The following VWA8 variants were observed in gnomAD, a reference collection of about 807,000 sequenced individuals.
VWA8 encodes von Willebrand factor A domain-containing protein 8.
In VWA8, 221 loss-of-function variants were observed where a neutral mutation model predicts 241.5. That is an observed-to-expected ratio of 0.91 (90% CI 0.82 to 1.02). The LOEUF (loss-of-function observed/expected upper bound fraction) is 1.02, where lower values mean the gene tolerates loss of function less well. Ranked by LOEUF, VWA8 falls within the 50% of genes least tolerant of loss-of-function variation. VWA8 has a pLI of 0.00. For synonymous variants in VWA8, 852 were observed against 827.1 expected, an observed-to-expected ratio of 1.03 and a Z score of -0.52; for missense variants, 2,322 against 2,328.7, an observed-to-expected ratio of 1.00 and a Z score of 0.06.
intron 2 of VWA8, among the ~76,000 whole-genome samples, chr13:41,944,131 A>ATAC (rs1877733897): frequency 1.3e-5 from 2 of 150,444 alleles, no homozygotes; most frequent in Admixed American, 1.3e-4. Flanking sequence ...AATAATAATA[A>ATAC]TAATAAATAA....
In VWA8 at chr13:41,782,018, G is replaced by A. The variant is rs76949132; in HGVS notation, c.2277+1777C>T. ...TTCAAAGATGAAGTACAGCATAAAA[G>A]GAAGTAATAATATACACAATGGAAG... On this transcript the variant is annotated intron_variant, in intron 19 of 44. Coordinates refer to ENST00000379310, the MANE Select transcript of VWA8 (RefSeq NM_015058.2). Among the ~76,000 whole-genome samples, 972 of 152,298 alleles carry A rather than the reference G, an allele frequency of 6.4e-3. 4 individuals are homozygous for A. Among genetic ancestry groups the A allele is most frequent in the Non-Finnish European group, 0.011 (745 of 68,010 alleles).
At chr13:41,672,555 T>C (rs2045033169) in intron 36 of VWA8, among the ~76,000 whole-genome samples, 1 of 152,218 alleles carries the variant, frequency 6.6e-6, no homozygotes, top group Non-Finnish European at 1.5e-5. Context: ...AACCATTATA[T>C]ATTAGGTAAA....
intron 37 of VWA8, among the ~76,000 whole-genome samples, chr13:41,621,734 G>T (rs2044658627): frequency 6.6e-6 from 1 of 152,076 alleles, no homozygotes; most frequent in Non-Finnish European, 1.5e-5. Context: ...AAAAGAAAAG[G>T]CCCCTCAAAT....
intron 35 of VWA8, among the ~76,000 whole-genome samples, chr13:41,682,930 A>G (rs935056049): frequency 2.0e-5 from 3 of 152,186 alleles, no homozygotes; most frequent in African/African-American, 4.8e-5. Flanking sequence ...CACTACACTC[A>G]CTAGAATGGT....
At chr13:41,741,237 G>A (rs2045567218) in intron 21 of VWA8, among the ~76,000 whole-genome samples, 1 of 152,164 alleles carries the variant, frequency 6.6e-6, no homozygotes, top group Non-Finnish European at 1.5e-5. Flanking sequence ...GCACGTAGTA[G>A]GAGTTCTCAA....
intron 2 of VWA8, among the ~76,000 whole-genome samples, chr13:41,914,771 G>A (rs1876173695): frequency 6.6e-6 from 1 of 152,192 alleles, no homozygotes; most frequent in South Asian, 2.1e-4. Context: ...CTTTGGCAAT[G>A]TGCCTGACCT....
Position 41,689,484 on chromosome 13 carries a change from T to G in VWA8, c.4001A>C (p.Lys1334Thr). The change falls in exon 34 of 45, where the codon AAA (lysine) becomes ACA (threonine). Residue 1334 changes from lysine to threonine, a missense_variant. By Grantham distance (78) the Lys-to-Thr change is moderately conservative. Transcript: ENST00000379310. Reference protein sequence around the residue: ...TQETEFSIPHKISSDQLSSEH... With the variant: ...TQETEFSIPHTISSDQLSSEH... ...AGATGATAGTTGATCACTGGAAATT[T>G]TATGAGGTATGCTGAACTCTGTTTC... 3 of 1,610,972 alleles carry G rather than the reference T, an allele frequency of 1.9e-6. No individual in the cohort carries two copies. The highest frequency in any genetic ancestry group is 2.5e-6 in the Non-Finnish European group (3 of 1,178,734).
intron 26 of VWA8, among the ~76,000 whole-genome samples, chr13:41,711,693 T>C (rs1430572460): frequency 6.6e-6 from 1 of 151,982 alleles, no homozygotes; most frequent in Non-Finnish European, 1.5e-5. Context: ...GCTAACACGG[T>C]GAAACCCCGT....
At chr13:41,768,829 A>G (rs577730054) in intron 20 of VWA8, among the ~76,000 whole-genome samples, 1 of 152,174 alleles carries the variant, frequency 6.6e-6, no homozygotes, top group African/African-American at 2.4e-5. Flanking sequence ...GAGACTTAGG[A>G]GGCACATCAA....
At chr13:41,782,897 A>T in intron 19 of VWA8, among the ~76,000 whole-genome samples, 1 of 151,690 alleles carries the variant, frequency 6.6e-6, no homozygotes, top group East Asian at 1.9e-4. Context: ...ATACAAACTT[A>T]TATGTCTTAG....
intron 42 of VWA8, among the ~76,000 whole-genome samples, chr13:41,577,802 A>G (rs1276278287): frequency 6.6e-6 from 1 of 152,188 alleles, no homozygotes; most frequent in Non-Finnish European, 1.5e-5. Context: ...AATGTGTTTG[A>G]CTTTTCCCTC....
chr13:41,738,055 T>C (rs892383792), intron 21 of VWA8, among the ~76,000 whole-genome samples: 1 of 151,978 alleles, frequency 6.6e-6, no homozygotes, highest in Non-Finnish European at 1.5e-5. Context: ...AGAAATACGA[T>C]AGTGTAAAAA....
intron 21 of VWA8, among the ~76,000 whole-genome samples, chr13:41,736,148 C>T (rs886764199): frequency 6.6e-6 from 1 of 152,078 alleles, no homozygotes; most frequent in Admixed American, 6.5e-5. Flanking sequence ...CTTTCCAGTA[C>T]AAGACATTTA....
chr13:41,783,160 A>G (rs1259094457), intron 19 of VWA8, among the ~76,000 whole-genome samples: 1 of 149,008 alleles, frequency 6.7e-6, no homozygotes, highest in Admixed American at 6.7e-5. Context: ...TTACATATAT[A>G]ATTATATGTG....
intron 37 of VWA8, among the ~76,000 whole-genome samples, chr13:41,648,343 C>G (rs1184104936): frequency 6.6e-6 from 1 of 152,112 alleles, no homozygotes; most frequent in African/African-American, 2.4e-5. Context: ...AAAATCCAAG[C>G]CCTCTTTCCT....
chr13:41,681,417 A>G (rs2045097737), intron 35 of VWA8, among the ~76,000 whole-genome samples: 1 of 152,196 alleles, frequency 6.6e-6, no homozygotes, highest in African/African-American at 2.4e-5. Flanking sequence ...CAAATCTCAC[A>G]AACATGATGG....
intron 14 of VWA8, among the ~76,000 whole-genome samples, chr13:41,827,936 G>A (rs1871249236): frequency 6.6e-6 from 1 of 152,218 alleles, no homozygotes; most frequent in African/African-American, 2.4e-5. Flanking sequence ...CAGGCATGCT[G>A]TGAACTATTG....
intron 36 of VWA8, among the ~76,000 whole-genome samples, chr13:41,671,610 G>A (rs1474064049): frequency 1.3e-5 from 2 of 151,988 alleles, no homozygotes; most frequent in Non-Finnish European, 2.9e-5. Flanking sequence ...TAGGAGGTGG[G>A]TACTTTTGGA....
At chr13:41,692,719 A>T in intron 30 of VWA8, 143 bp downstream of exon 30, 1 of 567,142 alleles carries the variant, frequency 1.8e-6, no homozygotes, top group Non-Finnish European at 3.1e-6. Flanking sequence ...ATATCATGTT[A>T]AAATCTATAC....
Sources: allele counts gnomAD v4.1 joint callset (sites outside exome capture counted in the v4.1 genomes callset), GRCh38; gene constraint gnomAD v4.1.1; transcripts MANE v1.5; gene names NCBI Gene and HGNC (gene_info 2026-07-23, HGNC 2026-07-21).